Variants in DPYD observed in about 807,000 individuals in gnomAD.
DPYD encodes the protein dihydropyrimidine dehydrogenase [NADP(+)].
A neutral mutation model predicts 116.2 loss-of-function variants in DPYD; 109 were observed. That is an observed-to-expected ratio of 0.94 (90% CI 0.80 to 1.10). The LOEUF (loss-of-function observed/expected upper bound fraction) is 1.10, where lower values mean the gene tolerates loss of function less well. DPYD is among the 50% of genes least tolerant of loss of function. The pLI is 0.00. For synonymous variants in DPYD, 440 were observed against 432.0 expected, an observed-to-expected ratio of 1.02 and a Z score of -0.23; for missense variants, 1,302 against 1,254.5, an observed-to-expected ratio of 1.04 and a Z score of -0.57.
chr1:97,707,360 G>A (rs113728961), intron 5 of DPYD, among the ~76,000 whole-genome samples: 1 of 151,816 alleles, frequency 6.6e-6, no homozygotes, highest in Admixed American at 6.6e-5. Flanking sequence ...AGTTACATAC[G>A]TATACATGTG....
At chr1:97,375,290 C>T (rs184722531) in intron 15 of DPYD, among the ~76,000 whole-genome samples, 78 of 151,908 alleles carry the variant, frequency 5.1e-4, no homozygotes, top group Admixed American at 2.1e-3. Context: ...TCTTCTTTCT[C>T]TTTCCTTCCT....
At chr1:97,356,556 G>A (rs961377885) in intron 16 of DPYD, among the ~76,000 whole-genome samples, 3 of 152,184 alleles carry the variant, frequency 2.0e-5, no homozygotes, top group Non-Finnish European at 4.4e-5. Context: ...AGGGTCTGGA[G>A]TGGAGCTCCA....
At chr1:97,776,769 G>A (rs1025645686) in intron 3 of DPYD, among the ~76,000 whole-genome samples, 5 of 152,156 alleles carry the variant, frequency 3.3e-5, no homozygotes, top group Non-Finnish European at 5.9e-5. Flanking sequence ...GGCAGTCTAC[G>A]TTTTGGAGCA....
At chr1:97,131,908 A>G (rs1339186224) in intron 20 of DPYD, among the ~76,000 whole-genome samples, 3 of 152,158 alleles carry the variant, frequency 2.0e-5, no homozygotes, top group Admixed American at 1.3e-4. Flanking sequence ...CTTTTTTGTC[A>G]CTTATTTTCC....
chr1:97,816,249 A>T (rs368758911), intron 3 of DPYD, among the ~76,000 whole-genome samples: 1 of 151,760 alleles, frequency 6.6e-6, no homozygotes. Context: ...GGAGCTTAGA[A>T]TATCCTATAT....
chr1:97,586,685 T>G (rs1025577405), intron 10 of DPYD, among the ~76,000 whole-genome samples: 4 of 151,690 alleles, frequency 2.6e-5, no homozygotes, highest in Non-Finnish European at 4.4e-5. Flanking sequence ...AAGCTTTTGT[T>G]GGCTCCTGGC....
In DPYD at chr1:97,710,808, T is replaced by G. The variant is rs749103145; in HGVS notation, c.483+10702A>C. 2.0e-5 allele frequency among the ~76,000 whole-genome samples: 3 copies of G among 151,926 alleles called. No homozygotes were observed. The Middle Eastern group carries it at 0.01, about 517-fold the overall frequency. On this transcript the variant is annotated intron_variant, in intron 5 of 22. Coordinates refer to ENST00000370192, the MANE Select transcript of DPYD (RefSeq NM_000110.4). ...ATATTTTTAATAAACTATATTACTA[T>G]GTAGCCTGTCTGGAACAGGGTTAAT...
At chr1:97,765,785 C>A (rs1665817575) in intron 3 of DPYD, among the ~76,000 whole-genome samples, 2 of 152,162 alleles carry the variant, frequency 1.3e-5, no homozygotes, top group Non-Finnish European at 2.9e-5. Context: ...ATATGTAACA[C>A]AAACCTAAAA....
intron 8 of DPYD, among the ~76,000 whole-genome samples, chr1:97,627,586 C>T (rs1482059560): frequency 6.6e-6 from 1 of 152,014 alleles, no homozygotes; most frequent in Non-Finnish European, 1.5e-5. Flanking sequence ...GAACAAGACA[C>T]TGTATTAGGA....
chr1:97,315,013 G>A (rs143800190), intron 16 of DPYD, among the ~76,000 whole-genome samples: 2 of 152,066 alleles, frequency 1.3e-5, no homozygotes, highest in African/African-American at 4.8e-5. Context: ...ATGGTAGAGG[G>A]GGCTCTGCAA....
chr1:97,669,733 G>A (rs534095786), intron 8 of DPYD, among the ~76,000 whole-genome samples: 9 of 152,120 alleles, frequency 5.9e-5, no homozygotes, highest in African/African-American at 1.7e-4. Flanking sequence ...AATAAGGAAC[G>A]GATAAAACAT....
At chr1:97,756,983 C>A (rs1259756237) in intron 3 of DPYD, among the ~76,000 whole-genome samples, 1 of 152,122 alleles carries the variant, frequency 6.6e-6, no homozygotes, top group African/African-American at 2.4e-5. Flanking sequence ...AACTACCCCC[C>A]ACTCCTCCTA....
chr1:97,685,928 G>A (rs893409261), intron 7 of DPYD, among the ~76,000 whole-genome samples: 4 of 152,150 alleles, frequency 2.6e-5, no homozygotes, highest in Non-Finnish European at 4.4e-5. Flanking sequence ...TACATTCAAT[G>A]CTATTCCCAT....
At chr1:97,137,365 C>G (rs1653889597) in intron 20 of DPYD, among the ~76,000 whole-genome samples, 1 of 152,202 alleles carries the variant, frequency 6.6e-6, no homozygotes, top group Non-Finnish European at 1.5e-5. Flanking sequence ...AATCCCTGTA[C>G]AATGACCAAT....
chr1:97,883,231 T>C, intron 2 of DPYD, 33 bp downstream of exon 2: 1 of 1,480,128 alleles, frequency 6.8e-7, no homozygotes, highest in South Asian at 1.1e-5. Flanking sequence ...TGAGGTAATT[T>C]TCAGCATGAA....
intron 20 of DPYD, among the ~76,000 whole-genome samples, chr1:97,192,685 T>C (rs995213201): frequency 6.6e-6 from 1 of 152,190 alleles, no homozygotes; most frequent in African/African-American, 2.4e-5. Flanking sequence ...TTCCTTATAT[T>C]ATTCAAGACT....
intron 1 of DPYD, among the ~76,000 whole-genome samples, chr1:97,912,521 G>T (rs935249831): frequency 1.3e-5 from 2 of 152,060 alleles, no homozygotes; most frequent in African/African-American, 4.8e-5. Flanking sequence ...TCGTGCACAG[G>T]AAAGAAATGT....
intron 4 of DPYD, among the ~76,000 whole-genome samples, chr1:97,727,555 G>T (rs752304080): frequency 2.1e-4 from 32 of 151,702 alleles, no homozygotes; most frequent in Non-Finnish European, 3.8e-4. Context: ...CCCAAGAGAG[G>T]TTACACAATG....
chr1:97,520,107 C>T (rs1309069348), intron 12 of DPYD, among the ~76,000 whole-genome samples: 1 of 152,056 alleles, frequency 6.6e-6, no homozygotes, highest in Non-Finnish European at 1.5e-5. Context: ...ACCTGTTAGA[C>T]TCAGTTATTA....
Sources: allele counts gnomAD v4.1 joint callset (sites outside exome capture counted in the v4.1 genomes callset), GRCh38; gene constraint gnomAD v4.1.1; transcripts MANE v1.5; gene names NCBI Gene and HGNC (gene_info 2026-07-23, HGNC 2026-07-21).